ZFR: variants seen among roughly 807,000 people sequenced by gnomAD.
ZFR encodes zinc finger RNA binding protein.
A neutral mutation model predicts 130.7 loss-of-function variants in ZFR; 19 were observed. The ratio of observed to expected loss-of-function variants is 0.15; its 90% CI spans 0.10 to 0.21. The LOEUF is 0.21. ZFR is among the 10% of genes least tolerant of loss of function. The pLI is 1.00. For synonymous variants in ZFR, 466 were observed against 456.9 expected (o/e 1.02, Z -0.25); for missense variants, 872 against 1,321.5 (o/e 0.66, Z 5.27).
At chr5:32,371,939 A>G (rs1035078611) in intron 17 of ZFR, among the ~76,000 whole-genome samples, 2 of 152,200 alleles carry the variant, frequency 1.3e-5, no homozygotes, top group African/African-American at 4.8e-5. Context: ...GGGAATATAA[A>G]TTGTTAGTGA....
intron 19 of ZFR, among the ~76,000 whole-genome samples, chr5:32,363,723 C>A (rs554577506): frequency 1.3e-5 from 2 of 152,274 alleles, no homozygotes; most frequent in South Asian, 2.1e-4. Context: ...ATACAATACA[C>A]TTACTTAGAA....
At chr5:32,404,505 T>C (rs1220222986) in intron 6 of ZFR, among the ~76,000 whole-genome samples, 1 of 152,202 alleles carries the variant, frequency 6.6e-6, no homozygotes, top group African/African-American at 2.4e-5. Context: ...AAAAAGTTAC[T>C]GTATGGTGGA....
At chr5:32,430,974 C>T (rs1286616437) in intron 2 of ZFR, among the ~76,000 whole-genome samples, 1 of 152,106 alleles carries the variant, frequency 6.6e-6, no homozygotes, top group African/African-American at 2.4e-5. Flanking sequence ...ACTCAGGGGG[C>T]TGAGGTGGGA....
intron 15 of ZFR, 58 bp from the exon 16 acceptor site, chr5:32,380,230 A>C: frequency 7.5e-7 from 1 of 1,329,714 alleles, no homozygotes; most frequent in South Asian, 1.2e-5. Flanking sequence ...CCAGGTGAGC[A>C]AGACACTTCC....
chr5:32,355,176 G>C lies in ZFR; in HGVS notation c.*584C>G, dbSNP rs1223776567. The C allele has an allele frequency of 6.6e-6, 1 of 152,164 alleles. No individual in the cohort carries two copies. Among genetic ancestry groups the C allele is most frequent in the Admixed American group, 6.5e-5 (1 of 15,276 alleles). 9.4% of individuals were successfully genotyped at this position (152,164 alleles called of 1,614,324 possible). On this transcript the variant is annotated 3_prime_UTR_variant, in exon 20 of 20. Coordinates refer to ENST00000265069, the MANE Select transcript of ZFR (RefSeq NM_016107.5). ...ATCACACTAGAGACAAATGCCACAA[G>C]ATCTGCAGAAACATTCAGTTCTGAG... is the stretch of plus-strand genomic sequence containing the variant.
At chr5:32,381,261 A>G (rs945829591) in intron 15 of ZFR, among the ~76,000 whole-genome samples, 2 of 152,174 alleles carry the variant, frequency 1.3e-5, no homozygotes, top group Non-Finnish European at 1.5e-5. Context: ...TTACATTAAT[A>G]TATCATTCAT....
chr5:32,394,316 A>G, intron 11 of ZFR: 1 of 168,512 alleles, frequency 5.9e-6, no homozygotes, highest in Middle Eastern at 1.2e-3. Flanking sequence ...TACAATCTGG[A>G]TGAACCATGA....
Position 32,364,120 on chromosome 5 carries a change from G to C in ZFR, c.2947+44C>G, listed in dbSNP as rs779736725. On this transcript the variant is annotated intron_variant, in intron 18 of 19. Coordinates refer to ENST00000265069, the MANE Select transcript of ZFR (RefSeq NM_016107.5). ...AAAAAAAATTATTCAACCAGCAAAT[G>C]AGTAAACTTCATTTTACTTCATTAA... 4.4e-6 allele frequency: 7 copies of C among 1,594,506 alleles called. No homozygotes were observed. In the Admixed American group the frequency reaches 8.4e-5, roughly 19 times the overall value.
rs140428713 is a variant in ZFR, at chr5:32,403,226, T to C, written c.1396A>G (p.Met466Val). The C allele has an allele frequency of 5.4e-5, 87 of 1,614,206 alleles. 1 individual carries two copies. In the African/African-American group the frequency reaches 9.5e-4, roughly 18 times the overall value. The change falls in exon 8 of 20, where the codon ATG (methionine) becomes GTG (valine). Residue 466 changes from methionine to valine, a missense_variant. Physicochemically the swap from Met to Val is conservative, Grantham distance 21. Coordinates refer to ENST00000265069, the MANE Select transcript of ZFR (RefSeq NM_016107.5). The stretch of plus-strand genomic sequence containing the variant: ...TTTCCTGTAGTCGTAAGACCCTTCA[T>C]TGAAGACGTTGCAACTGATGACGTA... ...VNTSSVATSS[M>V]KGLTTTGNSS...
At chr5:32,394,725 TTATA>T (rs1219090905) in intron 11 of ZFR, among the ~76,000 whole-genome samples, 1 of 152,062 alleles carries the variant, frequency 6.6e-6, no homozygotes. Flanking sequence ...ATTTGTATCT[TTATA>T]TATATATAAA....
chr5:32,356,506 G>A (rs1435492425), intron 19 of ZFR, among the ~76,000 whole-genome samples: 4 of 151,876 alleles, frequency 2.6e-5, no homozygotes, highest in East Asian at 3.9e-4. Context: ...TCCGCCTCCC[G>A]GGTTCACGCC....
At chr5:32,361,242 G>A (rs1456068975) in intron 19 of ZFR, among the ~76,000 whole-genome samples, 1 of 152,218 alleles carries the variant, frequency 6.6e-6, no homozygotes, top group African/African-American at 2.4e-5. Flanking sequence ...TTTCCCCCAA[G>A]TTAGATAATT....
At chr5:32,443,512 C>T (rs1754518589) in intron 2 of ZFR, among the ~76,000 whole-genome samples, 1 of 152,276 alleles carries the variant, frequency 6.6e-6, no homozygotes, top group Non-Finnish European at 1.5e-5. Flanking sequence ...TTTATCAGCA[C>T]TAGAAACTTC....
Position 32,444,221 on chromosome 5 carries a change from G to A in ZFR, c.137+8C>T. ...GGGGCGAACAGAGAGAAGGCAGGATGCCGTTACCTATATTGGGCCGCAGCC... is the reference window on the plus strand; with the variant it reads ...GGGGCGAACAGAGAGAAGGCAGGATACCGTTACCTATATTGGGCCGCAGCC... On this transcript the variant is annotated splice_region_variant and intron_variant, in intron 2 of 19. Transcript: ENST00000265069. 6.3e-7 allele frequency: 1 copy of A among 1,595,840 alleles called. No homozygotes were observed.
chr5:32,394,988 C>T (rs998681799), intron 11 of ZFR, among the ~76,000 whole-genome samples, 171 bp downstream of exon 11: 1 of 152,182 alleles, frequency 6.6e-6, no homozygotes, highest in East Asian at 1.9e-4. Flanking sequence ...ATTAGTATAG[C>T]CAGTAACAAT....
At chr5:32,360,740 G>A (rs1302365326) in intron 19 of ZFR, among the ~76,000 whole-genome samples, 1 of 152,140 alleles carries the variant, frequency 6.6e-6, no homozygotes, top group Non-Finnish European at 1.5e-5. Flanking sequence ...AACTTACTGA[G>A]GAGCTGCTAA....
At chr5:32,397,698 G>A (rs1389235627) in intron 9 of ZFR, among the ~76,000 whole-genome samples, 2 of 151,978 alleles carry the variant, frequency 1.3e-5, no homozygotes, top group South Asian at 2.1e-4. Flanking sequence ...CTTGTGATCC[G>A]CCCACCTTGG....
chr5:32,403,131 T>C lies in ZFR; in HGVS notation c.1491A>G (p.Thr497=). Residue 497 remains threonine, a synonymous_variant, in exon 8 of 20, where the codon ACA becomes ACG. Coordinates refer to ENST00000265069, the MANE Select transcript of ZFR (RefSeq NM_016107.5). ...AVPTNMAAKK[T]STPKINFVGG... is the part of the protein sequence containing the mutation. ...CAACAAAATTTATTTTGGGGGTAGATGTTTTCTTGGCAGCCATATTTGTAG... is the reference window on the plus strand; with the variant it reads ...CAACAAAATTTATTTTGGGGGTAGACGTTTTCTTGGCAGCCATATTTGTAG... The C allele has an allele frequency of 6.2e-7, 1 of 1,614,098 alleles. No individual in the cohort carries two copies. Among genetic ancestry groups the C allele is most frequent in the Non-Finnish European group, 8.5e-7 (1 of 1,179,986 alleles).
chr5:32,438,389 G>A lies in ZFR; in HGVS notation c.137+5840C>T, dbSNP rs145916550. 7.0e-3 allele frequency among the ~76,000 whole-genome samples: 1,051 copies of A among 150,426 alleles called. 7 individuals are homozygous for A. The highest frequency in any genetic ancestry group is 0.012 in the Non-Finnish European group (781 of 67,756). ...AGCTATTCTCCTGCCTCAGCCTCCCGAGTAGCTGGGATTACAGGCATGCAC... is the reference window on the plus strand; with the variant it reads ...AGCTATTCTCCTGCCTCAGCCTCCCAAGTAGCTGGGATTACAGGCATGCAC... On this transcript the variant is annotated intron_variant, in intron 2 of 19. Coordinates refer to ENST00000265069, the MANE Select transcript of ZFR (RefSeq NM_016107.5).
Sources: allele counts gnomAD v4.1 joint callset (sites outside exome capture counted in the v4.1 genomes callset), GRCh38; gene constraint gnomAD v4.1.1; transcripts MANE v1.5; gene names NCBI Gene and HGNC (gene_info 2026-07-23, HGNC 2026-07-21).